Variants in IGFL2 observed in about 807,000 individuals in gnomAD.
IGFL2 encodes insulin growth factor-like family member 2.
A neutral mutation model predicts 13.9 loss-of-function variants in IGFL2; 7 were observed. That is an observed-to-expected ratio of 0.51 (90% CI 0.29 to 0.95). The LOEUF is 0.95. IGFL2 is among the 40% of genes least tolerant of loss of function. The probability of loss-of-function intolerance (pLI) is 0.08; values close to 1 mark genes in which losing one functional copy is unlikely to be tolerated. For missense variants in IGFL2, 138 were observed against 147.8 expected, an observed-to-expected ratio of 0.93 and a Z score of 0.34; for synonymous variants, 55 against 55.8, an observed-to-expected ratio of 0.99 and a Z score of 0.07.
the IGFL2 span, among the ~76,000 whole-genome samples, chr19:46,180,926 G>A: frequency 6.6e-6 from 1 of 152,208 alleles, no homozygotes; most frequent in African/African-American, 2.4e-5. Flanking sequence ...GCTGGCAGCC[G>A]ATTGGATGGT....
the IGFL2 span, among the ~76,000 whole-genome samples, chr19:46,079,486 C>T: frequency 1.3e-5 from 2 of 152,180 alleles, no homozygotes; most frequent in Non-Finnish European, 2.9e-5. Context: ...AGCCTGTTTG[C>T]ACCCCTATAG....
the IGFL2 span, chr19:46,214,092 C>T: frequency 6.6e-6 from 1 of 152,612 alleles, no homozygotes; most frequent in Non-Finnish European, 1.5e-5. Context: ...TCCTGGCCTC[C>T]TACACCACTG....
chr19:46,180,333 T>C, the IGFL2 span, among the ~76,000 whole-genome samples: 120,215 of 151,828 alleles, frequency 0.79, 48,338 homozygotes, highest in Non-Finnish European at 0.84. Context: ...CACCTGCCAC[T>C]ATACTCGGCT....
intron 1 of IGFL2, among the ~76,000 whole-genome samples, chr19:46,155,276 C>T (rs565931704): frequency 6.6e-6 from 1 of 152,294 alleles, no homozygotes; most frequent in Non-Finnish European, 1.5e-5. Context: ...GGTGCACTGC[C>T]CTTTCTGAAC....
chr19:46,127,900 C>T, the IGFL2 span, among the ~76,000 whole-genome samples: 3 of 152,112 alleles, frequency 2.0e-5, no homozygotes, highest in East Asian at 1.9e-4. Context: ...CCAAGGATCC[C>T]ATAACACTTT....
chr19:46,111,742 G>T, the IGFL2 span: 3 of 152,140 alleles, frequency 2.0e-5, no homozygotes, highest in Non-Finnish European at 2.9e-5. Flanking sequence ...TACCAATCAG[G>T]TTTACTACCA....
the IGFL2 span, among the ~76,000 whole-genome samples, chr19:46,172,242 G>A: frequency 6.6e-6 from 1 of 152,074 alleles, no homozygotes; most frequent in Admixed American, 6.6e-5. Flanking sequence ...GGGGGAATTG[G>A]GTAGTTACTA....
the IGFL2 span, among the ~76,000 whole-genome samples, chr19:46,171,171 TC>T: frequency 1.3e-5 from 2 of 152,184 alleles, no homozygotes; most frequent in Non-Finnish European, 1.5e-5. Context: ...ACCATTTCTT[TC>T]TTTTGTACTC....
At chr19:46,199,416 T>C in the IGFL2 span, among the ~76,000 whole-genome samples, 1 of 152,060 alleles carries the variant, frequency 6.6e-6, no homozygotes, top group Admixed American at 6.6e-5. Context: ...AGACAATGGA[T>C]TGGATAGGGT....
At chr19:46,211,808 C>T in the IGFL2 span, 6 of 152,094 alleles carry the variant, frequency 3.9e-5, no homozygotes, top group African/African-American at 1.2e-4. Context: ...ACAGACACTC[C>T]TGAATGATAC....
At chr19:46,107,647 T>C in the IGFL2 span, among the ~76,000 whole-genome samples, 1 of 152,220 alleles carries the variant, frequency 6.6e-6, no homozygotes, top group Non-Finnish European at 1.5e-5. Flanking sequence ...AGAAATATGT[T>C]GGCACTTGGC....
At chr19:46,127,800 T>C in the IGFL2 span, among the ~76,000 whole-genome samples, 1 of 152,198 alleles carries the variant, frequency 6.6e-6, no homozygotes, top group Non-Finnish European at 1.5e-5. Flanking sequence ...CTTTTAATTT[T>C]TTCGTAAGTT....
At chr19:46,092,691 G>C in the IGFL2 span, among the ~76,000 whole-genome samples, 1 of 151,574 alleles carries the variant, frequency 6.6e-6, no homozygotes, top group Non-Finnish European at 1.5e-5. Context: ...GTGTTGCCTA[G>C]GCTTGTCTTG....
chr19:46,176,651 C>T, the IGFL2 span, among the ~76,000 whole-genome samples: 1 of 123,906 alleles, frequency 8.1e-6, no homozygotes, highest in South Asian at 2.7e-4. Context: ...AGCCCAGATG[C>T]CAGGGATCTA....
At chr19:46,188,529 T>G in the IGFL2 span, among the ~76,000 whole-genome samples, 1 of 152,182 alleles carries the variant, frequency 6.6e-6, no homozygotes, top group Admixed American at 6.5e-5. Flanking sequence ...TAATGGGTGA[T>G]CAGAAGCTCA....
the IGFL2 span, among the ~76,000 whole-genome samples, chr19:46,177,983 A>G: frequency 1.3e-5 from 2 of 152,140 alleles, no homozygotes; most frequent in Non-Finnish European, 2.9e-5. Flanking sequence ...CATTAACATT[A>G]AAATAGAGAG....
the IGFL2 span, among the ~76,000 whole-genome samples, chr19:46,090,766 A>C: frequency 1.3e-5 from 2 of 152,158 alleles, no homozygotes; most frequent in African/African-American, 4.8e-5. Context: ...CAAACTGTGG[A>C]TTGAGCTGGC....
downstream of IGFL2, among the ~76,000 whole-genome samples, chr19:46,162,120 A>G (rs1352205678): frequency 1.3e-5 from 2 of 152,240 alleles, no homozygotes; most frequent in African/African-American, 2.4e-5. Context: ...AATGTTGAAT[A>G]TAGATCCCCA....
chr19:46,140,245 C>CTATA (rs10574851), upstream of IGFL2, among the ~76,000 whole-genome samples: 1,114 of 148,528 alleles, frequency 7.5e-3, 2 homozygotes, highest in Admixed American at 0.013. Context: ...CACGCCCAGC[C>CTATA]TATATATATA....
Sources: allele counts gnomAD v4.1 joint callset (sites outside exome capture counted in the v4.1 genomes callset), GRCh38; gene constraint gnomAD v4.1.1; transcripts MANE v1.5; gene names NCBI Gene and HGNC (gene_info 2026-07-23, HGNC 2026-07-21).